Variants in ZNF366 observed in about 807,000 individuals in gnomAD.
ZNF366 encodes dendritic cell-specific transcript protein.
Under a neutral mutation model 47.2 loss-of-function variants are expected in ZNF366, and 20 were observed. That is an observed-to-expected ratio of 0.42 (90% CI 0.30 to 0.62). The LOEUF is 0.62. ZNF366 is among the 20% of genes least tolerant of loss of function. The pLI is 0.16. For synonymous variants in ZNF366, 421 were observed against 395.1 expected, an observed-to-expected ratio of 1.07 and a Z score of -0.78; for missense variants, 987 against 976.3, an observed-to-expected ratio of 1.01 and a Z score of -0.15.
At chr5:72,503,719 C>T (rs1744261915) in intron 1 of ZNF366, among the ~76,000 whole-genome samples, 1 of 152,212 alleles carries the variant, frequency 6.6e-6, no homozygotes, top group African/African-American at 2.4e-5. Flanking sequence ...TTTTCTACTC[C>T]ACCAAGCCAC....
At position 72,447,425 on chromosome 5, in the gene ZNF366, A is replaced by G. The variant is rs757608999; in HGVS notation, c.1525-8T>C. On this transcript the variant is annotated splice_region_variant and splice_polypyrimidine_tract_variant and intron_variant, in intron 3 of 4. Coordinates refer to ENST00000318442, the MANE Select transcript of ZNF366 (RefSeq NM_152625.3). ...GAATTCCTTCCCACAAAGCTGTTGA[A>G]GATGGGGATGAGAACACAGGTTACT... The G allele has an allele frequency of 6.2e-7, 1 of 1,614,008 alleles. No individual in the cohort carries two copies. Among genetic ancestry groups the G allele is most frequent in the Non-Finnish European group, 8.5e-7 (1 of 1,179,990 alleles).
intron 1 of ZNF366, among the ~76,000 whole-genome samples, chr5:72,490,385 G>C (rs969104432): frequency 2.6e-4 from 40 of 152,074 alleles, no homozygotes; most frequent in Non-Finnish European, 8.8e-5. Context: ...TTGAGAATAA[G>C]GGAAGGAAAA....
At chr5:72,445,297 C>T (rs776581095) in intron 4 of ZNF366, among the ~76,000 whole-genome samples, 4 of 151,988 alleles carry the variant, frequency 2.6e-5, no homozygotes, top group Admixed American at 2.0e-4. Flanking sequence ...CAGGGATGGG[C>T]GGGACACTGA....
chr5:72,485,062 G>A (rs1353868378), intron 1 of ZNF366, among the ~76,000 whole-genome samples: 1 of 152,180 alleles, frequency 6.6e-6, no homozygotes, highest in Non-Finnish European at 1.5e-5. Context: ...GACCTGGATA[G>A]AGGTACGCTG....
At chr5:72,463,343 G>A (rs1273326591) in intron 1 of ZNF366, among the ~76,000 whole-genome samples, 1 of 152,158 alleles carries the variant, frequency 6.6e-6, no homozygotes, top group African/African-American at 2.4e-5. Context: ...AAAAATATGT[G>A]CCTTATTATT....
chr5:72,464,099 T>G (rs567078782), intron 1 of ZNF366, among the ~76,000 whole-genome samples: 1 of 152,238 alleles, frequency 6.6e-6, no homozygotes, highest in East Asian at 1.9e-4. Context: ...TTTTAAAAAT[T>G]TCCTCTGATT....
At chr5:72,475,975 C>T (rs1460467325) in intron 1 of ZNF366, among the ~76,000 whole-genome samples, 1 of 152,084 alleles carries the variant, frequency 6.6e-6, no homozygotes, top group African/African-American at 2.4e-5. Flanking sequence ...AAAGTATGAC[C>T]CCATAACAAT....
At position 72,477,523 on chromosome 5, in the gene ZNF366, G is replaced by A. The variant is rs147529775; in HGVS notation, c.-14-16013C>T. Among the ~76,000 whole-genome samples, 12 of 152,276 alleles carry A rather than the reference G, an allele frequency of 7.9e-5. No individual in the cohort carries two copies. The East Asian group carries it at 2.3e-3, about 29-fold the overall frequency. On this transcript the variant is annotated intron_variant, in intron 1 of 4. Coordinates refer to ENST00000318442, the MANE Select transcript of ZNF366 (RefSeq NM_152625.3). ...TGACCAAATAGGTTTCTGTTCCTGG[G>A]TTAGTGTTTTACCCAAAGAGCTTTG...
intron 1 of ZNF366, among the ~76,000 whole-genome samples, chr5:72,497,108 G>T (rs943496593): frequency 6.6e-6 from 1 of 151,930 alleles, no homozygotes; most frequent in African/African-American, 2.4e-5. Context: ...TTTTTATAAC[G>T]GTATCTTTTT....
In ZNF366 at chr5:72,499,669, G is replaced by A. The variant is rs191697798; in HGVS notation, c.-15+7582C>T. Among the ~76,000 whole-genome samples, 1,113 of 152,068 alleles carry A rather than the reference G, an allele frequency of 7.3e-3. 17 individuals carry two copies. The highest frequency in any genetic ancestry group is 0.024 in the African/African-American group (1,007 of 41,474). On this transcript the variant is annotated intron_variant, in intron 1 of 4. Transcript: ENST00000318442. Reference sequence around the variant, plus strand: ...ACTGAAAAAGTTCTCTGGAAGTAGGGGTGAGAGGAGGAAATTCCACCGTGT... The same window carrying A: ...ACTGAAAAAGTTCTCTGGAAGTAGGAGTGAGAGGAGGAAATTCCACCGTGT...
intron 1 of ZNF366, among the ~76,000 whole-genome samples, chr5:72,474,085 TTATCATTATGGC>T (rs1743623056): frequency 6.6e-6 from 1 of 152,348 alleles, no homozygotes; most frequent in South Asian, 2.1e-4. Context: ...GCAGCAAACA[TTATCATTATGGC>T]TTATTTATTG....
chr5:72,458,867 G>A (rs1343246138), intron 2 of ZNF366, among the ~76,000 whole-genome samples: 3 of 152,162 alleles, frequency 2.0e-5, no homozygotes, highest in Admixed American at 6.5e-5. Flanking sequence ...CAGACACCAG[G>A]CTGTTTCTCC....
intron 1 of ZNF366, among the ~76,000 whole-genome samples, chr5:72,501,093 C>T (rs965187222): frequency 1.3e-5 from 2 of 152,154 alleles, no homozygotes; most frequent in Admixed American, 1.3e-4. Context: ...GAATAAGGCA[C>T]GTACTTGAGA....
intron 1 of ZNF366, among the ~76,000 whole-genome samples, chr5:72,487,301 G>A (rs975897273): frequency 6.6e-6 from 1 of 152,148 alleles, no homozygotes; most frequent in East Asian, 1.9e-4. Context: ...GCTTGAGCTC[G>A]TGCTTTATGG....
intron 1 of ZNF366, among the ~76,000 whole-genome samples, chr5:72,482,032 G>A (rs1743798236): frequency 6.6e-6 from 1 of 152,068 alleles, no homozygotes; most frequent in South Asian, 2.1e-4. Flanking sequence ...CTTCTTACTG[G>A]ATGACTTTGA....
chr5:72,484,491 A>T (rs1280817692), intron 1 of ZNF366, among the ~76,000 whole-genome samples: 2 of 150,052 alleles, frequency 1.3e-5, no homozygotes, highest in Admixed American at 1.3e-4. Context: ...CTCAAAAAAA[A>T]AAAAAATAAT....
At chr5:72,504,525 G>A (rs146102894) in intron 1 of ZNF366, among the ~76,000 whole-genome samples, 69 of 152,054 alleles carry the variant, frequency 4.5e-4, no homozygotes, top group Admixed American at 1.2e-3. Flanking sequence ...TCTGCCATTC[G>A]TGAAGATGAA....
rs1379099890 is a variant in ZNF366 at position 72,490,859 on chromosome 5, T to C, written c.-15+16392A>G. 2.6e-5 allele frequency among the ~76,000 whole-genome samples: 4 copies of C among 152,152 alleles called. No homozygotes were observed. In the East Asian group the frequency reaches 7.7e-4, roughly 29 times the overall value. On this transcript the variant is annotated intron_variant, in intron 1 of 4. Transcript: ENST00000318442. ...ACTTGAGCATGATAGTTGCTGTAAG[T>C]AACATAGTACACAGCTCTCAGAGGA...
Position 72,503,124 on chromosome 5 carries a change from CA to C in ZNF366, c.-15+4126del, listed in dbSNP as rs34973557. Among the ~76,000 whole-genome samples the C allele has an allele frequency of 2.1e-4, 31 of 148,388 alleles. 2 individuals are homozygous for C. The South Asian group carries it at 3.0e-3, about 14-fold the overall frequency. Reference sequence around the variant, plus strand: ...TGGGTGACAGAGCCTGACTCTGTCTCAAAAAAAAAGTGCTATTTATATTGAT... The same window carrying C: ...TGGGTGACAGAGCCTGACTCTGTCTCAAAAAAAAGTGCTATTTATATTGAT... On this transcript the variant is annotated intron_variant, in intron 1 of 4. Coordinates refer to ENST00000318442, the MANE Select transcript of ZNF366 (RefSeq NM_152625.3).
Sources: allele counts gnomAD v4.1 joint callset (sites outside exome capture counted in the v4.1 genomes callset), GRCh38; gene constraint gnomAD v4.1.1; transcripts MANE v1.5; gene names NCBI Gene and HGNC (gene_info 2026-07-23, HGNC 2026-07-21).